Variants in MED15 observed in about 807,000 individuals in gnomAD.
MED15 encodes the protein mediator of RNA polymerase II transcription subunit 15.
In MED15, 41 loss-of-function variants were observed where a neutral mutation model predicts 118.7. The ratio of observed to expected loss-of-function variants is 0.35; its 90% CI spans 0.27 to 0.45. The LOEUF (loss-of-function observed/expected upper bound fraction) is 0.45. Ranked by LOEUF, MED15 falls within the 20% of genes least tolerant of loss-of-function variation. The probability of loss-of-function intolerance (pLI) is 1.00; values close to 1 mark genes in which losing one functional copy is unlikely to be tolerated. For missense variants in MED15, 740 were observed against 1,025.5 expected (o/e 0.72, Z 3.80); for synonymous variants, 436 against 413.9 (o/e 1.05, Z -0.65).
intron 1 of MED15, among the ~76,000 whole-genome samples, chr22:20,518,709 G>T (rs1240416320): frequency 6.6e-6 from 1 of 152,198 alleles, no homozygotes; most frequent in Non-Finnish European, 1.5e-5. Context: ...ATAATTATAT[G>T]TAGGGTTGTG....
rs1012993565 is a variant in MED15, at chr22:20,585,978, C to T, written c.2230+152C>T. ...CTCCCCTCTTCTGGCTCCTCCTGCA[C>T]AGACAGCAGCGGGTTTTCCAGTGGT... On this transcript the variant is annotated intron_variant, in intron 17 of 17. Coordinates refer to ENST00000263205, the MANE Select transcript of MED15 (RefSeq NM_001003891.3). 7.1e-6 allele frequency: 5 copies of T among 701,008 alleles called. 1 individual carries two copies. In the South Asian group the frequency reaches 7.2e-5, roughly 10 times the overall value. The allele number at this position is 701,008 out of a possible 1,614,324, so 43.4% of individuals were successfully genotyped here. A position where few individuals can be genotyped will look rare whatever the true frequency, so the allele number is the denominator to read the frequency against.
intron 2 of MED15, among the ~76,000 whole-genome samples, chr22:20,541,759 C>T (rs2055323980): frequency 6.6e-6 from 1 of 152,218 alleles, no homozygotes; most frequent in Admixed American, 6.5e-5. Flanking sequence ...AAACAATTAC[C>T]CTGCCTCAGC....
At chr22:20,576,881 A>G (rs924163986) in intron 9 of MED15, among the ~76,000 whole-genome samples, 2 of 152,192 alleles carry the variant, frequency 1.3e-5, no homozygotes, top group Non-Finnish European at 2.9e-5. Flanking sequence ...CTCCTTTCCC[A>G]TAGCCTCTGG....
intron 1 of MED15, among the ~76,000 whole-genome samples, chr22:20,513,513 A>G (rs1417794627): frequency 1.3e-5 from 2 of 151,668 alleles, no homozygotes; most frequent in East Asian, 2.0e-4. Context: ...TCCCAACCTC[A>G]TGACCCACCT....
At chr22:20,528,202 A>T (rs1323798516) in intron 1 of MED15, among the ~76,000 whole-genome samples, 1 of 152,148 alleles carries the variant, frequency 6.6e-6, no homozygotes, top group Non-Finnish European at 1.5e-5. Flanking sequence ...TCCAAAGCCT[A>T]GGAGTCTCTT....
Position 20,586,846 on chromosome 22 carries a change from C to A in MED15, c.*142C>A. The A allele has an allele frequency of 1.6e-6, 2 of 1,272,402 alleles. No homozygotes were observed. The highest frequency in any genetic ancestry group is 2.1e-6 in the Non-Finnish European group (2 of 938,366). The allele number at this position is 1,272,402 out of a possible 1,614,324, so 78.8% of individuals were successfully genotyped here. On this transcript the variant is annotated 3_prime_UTR_variant, in exon 18 of 18. Transcript: ENST00000263205. ...TTTATCTTCTGCCTTGGGGACCTGC[C>A]AAACGAAATCCCACACCTGTACAGA...
chr22:20,576,157 A>C (rs1029238957), intron 9 of MED15, among the ~76,000 whole-genome samples: 1 of 152,374 alleles, frequency 6.6e-6, no homozygotes, highest in African/African-American at 2.4e-5. Flanking sequence ...TAAGATTCTG[A>C]GAATAAAATT....
intron 1 of MED15, among the ~76,000 whole-genome samples, chr22:20,532,055 T>C (rs577539843): frequency 6.6e-6 from 1 of 152,230 alleles, no homozygotes; most frequent in East Asian, 1.9e-4. Context: ...GGAGCGAGGC[T>C]CAAAGCAAGC....
chr22:20,575,155 G>C lies in MED15; in HGVS notation c.1195G>C (p.Ala399Pro). ...GGCCCAAGGTGGGATGCACATAAGA[G>C]CCCGGTTCCCGCCTACCACCGCTGT... is the stretch of plus-strand genomic sequence containing the variant. ...ALAQGGMHIR[A>P]RFPPTTAVSA... Residue 399 changes from alanine (A) to proline (P), a missense_variant, in exon 9 of 18, where the codon GCC becomes CCC. By Grantham distance (27) the Ala-to-Pro change is conservative. Coordinates refer to ENST00000263205, the MANE Select transcript of MED15 (RefSeq NM_001003891.3). 6.2e-7 allele frequency: 1 copy of C among 1,614,164 alleles called. No individual in the cohort carries two copies. Among genetic ancestry groups the C allele is most frequent in the Non-Finnish European group, 8.5e-7 (1 of 1,180,044 alleles).
At chr22:20,542,020 C>T (rs1012850869) in intron 2 of MED15, among the ~76,000 whole-genome samples, 2 of 152,138 alleles carry the variant, frequency 1.3e-5, no homozygotes, top group East Asian at 3.9e-4. Flanking sequence ...TCTTGAACTC[C>T]TGACCTCAGG....
intron 1 of MED15, among the ~76,000 whole-genome samples, chr22:20,518,523 T>C (rs1341553483): frequency 2.0e-5 from 3 of 152,194 alleles, no homozygotes; most frequent in African/African-American, 4.8e-5. Context: ...GATGGTTAGC[T>C]CAGCCTGTGG....
intron 4 of MED15, 81 bp from the exon 5 acceptor site, chr22:20,554,855 C>T: frequency 3.7e-6 from 5 of 1,364,496 alleles, no homozygotes; most frequent in East Asian, 2.3e-5. Context: ...GAGATCTGTG[C>T]TCTGTGAGCC....
At chr22:20,562,686 A>G (rs1438903472) in intron 5 of MED15, among the ~76,000 whole-genome samples, 1 of 152,154 alleles carries the variant, frequency 6.6e-6, no homozygotes, top group East Asian at 1.9e-4. Context: ...CCCGCCGGTC[A>G]TACATGTTTT....
chr22:20,530,224 G>C (rs898242253), intron 1 of MED15, among the ~76,000 whole-genome samples: 4 of 152,142 alleles, frequency 2.6e-5, no homozygotes, highest in African/African-American at 9.7e-5. Context: ...GGGCAAGCAG[G>C]CTGCACACAC....
At chr22:20,511,223 G>A (rs1167996871) in intron 1 of MED15, among the ~76,000 whole-genome samples, 6 of 152,162 alleles carry the variant, frequency 3.9e-5, no homozygotes, top group African/African-American at 1.2e-4. Flanking sequence ...TAGAGAAAGT[G>A]TCTTGCTTGT....
chr22:20,578,409 G>T (rs576142137), intron 9 of MED15, among the ~76,000 whole-genome samples: 1 of 152,320 alleles, frequency 6.6e-6, no homozygotes, highest in East Asian at 1.9e-4. Context: ...GCCCTCCCCA[G>T]CTCAGCCCTC....
In MED15 at chr22:20,566,547, G is replaced by A. The variant is rs1569229889; in HGVS notation, c.771G>A (p.Gln257=). Residue 257 remains glutamine, a synonymous_variant, in exon 7 of 18, where the codon CAG becomes CAA. Transcript: ENST00000263205. ...QQQQQQQQQQ[Q]QQQQQALQAQ... ...AGCAACAGCAGCAGCAGCAGCAGCAGCAGCAGCAGCAGCAGGCTTTGCAGG... is the reference window on the plus strand; with the variant it reads ...AGCAACAGCAGCAGCAGCAGCAGCAACAGCAGCAGCAGCAGGCTTTGCAGG... The A allele has an allele frequency of 6.2e-7, 1 of 1,612,572 alleles. No individual in the cohort carries two copies. The highest frequency in any genetic ancestry group is 8.5e-7 in the Non-Finnish European group (1 of 1,179,202).
intron 4 of MED15, chr22:20,554,731 T>C (rs908417402): frequency 3.9e-6 from 2 of 514,912 alleles, no homozygotes; most frequent in African/African-American, 3.9e-5. Context: ...GCTAGAGGTA[T>C]GGGTCATGCA....
intron 8 of MED15, among the ~76,000 whole-genome samples, chr22:20,570,121 T>A (rs1445112486): frequency 1.3e-5 from 2 of 152,138 alleles, no homozygotes; most frequent in Admixed American, 6.6e-5. Flanking sequence ...GCCTCCTGGG[T>A]TCAAGTGATT....
Sources: allele counts gnomAD v4.1 joint callset (sites outside exome capture counted in the v4.1 genomes callset), GRCh38; gene constraint gnomAD v4.1.1; transcripts MANE v1.5; gene names NCBI Gene and HGNC (gene_info 2026-07-23, HGNC 2026-07-21).